Variants in RARB observed in about 807,000 individuals in gnomAD.
RARB encodes the protein HBV-activated protein.
In RARB, 17 loss-of-function variants were observed where a neutral mutation model predicts 51.9. The observed-to-expected ratio is 0.33, with a 90% CI of 0.22 to 0.49. The LOEUF is 0.49. Among genes scored for constraint, RARB ranks in the 20% least tolerant of loss-of-function variants. The pLI, the probability that RARB is intolerant of heterozygous loss-of-function variation, is 0.99. For missense variants in RARB, 369 were observed against 550.8 expected (o/e 0.67, Z 3.30); for synonymous variants, 215 against 195.4 (o/e 1.10, Z -0.84).
At chr3:24,990,967 C>G (rs1696896930) in intron 2 of RARB, among the ~76,000 whole-genome samples, 1 of 152,130 alleles carries the variant, frequency 6.6e-6, no homozygotes, top group African/African-American at 2.4e-5. Context: ...TTTCATGGCT[C>G]TTGTTGCTAT....
intron 1 of RARB, among the ~76,000 whole-genome samples, chr3:24,848,367 G>A (rs575806272): frequency 4.3e-4 from 65 of 152,234 alleles, no homozygotes; most frequent in Admixed American, 3.8e-3. Context: ...GGCCCTGTAA[G>A]GTTTTAAACA....
At chr3:25,343,950 A>G (rs549504479) in intron 5 of RARB, among the ~76,000 whole-genome samples, 6 of 152,314 alleles carry the variant, frequency 3.9e-5, no homozygotes, top group Admixed American at 2.0e-4. Flanking sequence ...CCCAGAAATT[A>G]TGACAGGAAA....
intron 3 of RARB, among the ~76,000 whole-genome samples, chr3:25,074,635 C>A (rs1698834374): frequency 6.6e-6 from 1 of 152,008 alleles, no homozygotes; most frequent in Non-Finnish European, 1.5e-5. Context: ...CTCCTTTATA[C>A]AAAAAAATTA....
chr3:25,250,881 CTG>C (rs1491373652), intron 5 of RARB, among the ~76,000 whole-genome samples: 6 of 152,150 alleles, frequency 3.9e-5, no homozygotes, highest in African/African-American at 1.4e-4. Context: ...CTGCAGGAGT[CTG>C]TGGTGGGAAT....
At chr3:25,242,389 G>A (rs1702454056) in intron 5 of RARB, among the ~76,000 whole-genome samples, 1 of 152,120 alleles carries the variant, frequency 6.6e-6, no homozygotes, top group Non-Finnish European at 1.5e-5. Context: ...CCATGCCTAT[G>A]TTCTGAACGG....
At position 24,910,235 on chromosome 3, in the gene RARB, T is replaced by G. The variant is rs367992730; in HGVS notation, c.-380+51483T>G. Among the ~76,000 whole-genome samples, 215 of 152,250 alleles carry G rather than the reference T, an allele frequency of 1.4e-3. 1 individual carries two copies. The South Asian group carries it at 0.027, about 19-fold the overall frequency. On this transcript the variant is annotated intron_variant, in intron 2 of 11. Transcript: ENST00000383772. ...CCTAAGCCTAGAAACTTAGGGAAAT[T>G]GGGGGTGCTGGCAAAAAAACGTTGA...
chr3:25,478,667 G>A lies in RARB; in HGVS notation c.306+17326G>A, dbSNP rs76418491. Among the ~76,000 whole-genome samples, 315 of 152,266 alleles carry A rather than the reference G, an allele frequency of 2.1e-3. 1 individual carries two copies. The highest frequency in any genetic ancestry group is 0.015 in the East Asian group (79 of 5,178). ...GCAGTACCCTTAGTATCGACATGAC[G>A]TCTATGGACACAGGGAGAAAAAGAA... On this transcript the variant is annotated intron_variant, in intron 2 of 7. Transcript: ENST00000330688.
chr3:24,911,071 C>G (rs1345071098), intron 2 of RARB, among the ~76,000 whole-genome samples: 1 of 152,168 alleles, frequency 6.6e-6, no homozygotes, highest in African/African-American at 2.4e-5. Context: ...TTTTATGACA[C>G]CTCTGCTTCA....
intron 5 of RARB, among the ~76,000 whole-genome samples, chr3:25,348,928 T>C (rs1226015232): frequency 1.3e-5 from 2 of 152,206 alleles, no homozygotes; most frequent in Non-Finnish European, 2.9e-5. Flanking sequence ...GGACCACACT[T>C]TCAGAAACAC....
At chr3:25,225,720 A>G (rs1245881072) in intron 5 of RARB, among the ~76,000 whole-genome samples, 4 of 152,194 alleles carry the variant, frequency 2.6e-5, no homozygotes, top group African/African-American at 9.6e-5. Context: ...ACACTCACAT[A>G]TACGCACACG....
At chr3:25,059,902 T>C (rs921432055) in intron 2 of RARB, among the ~76,000 whole-genome samples, 4 of 151,846 alleles carry the variant, frequency 2.6e-5, no homozygotes, top group South Asian at 2.1e-4. Flanking sequence ...AGAGTTTACA[T>C]TGATAGAATC....
At chr3:24,910,660 G>A (rs576978084) in intron 2 of RARB, among the ~76,000 whole-genome samples, 2 of 152,088 alleles carry the variant, frequency 1.3e-5, no homozygotes, top group Non-Finnish European at 2.9e-5. Flanking sequence ...ATTGAATTTG[G>A]AGACTCCATT....
chr3:25,306,569 G>C (rs921035019), intron 5 of RARB, among the ~76,000 whole-genome samples: 3 of 151,738 alleles, frequency 2.0e-5, no homozygotes, highest in African/African-American at 7.3e-5. Context: ...TGTTACGTGA[G>C]GAAAATTGCA....
At chr3:25,064,058 G>C (rs757757246) in intron 3 of RARB, among the ~76,000 whole-genome samples, 3 of 152,002 alleles carry the variant, frequency 2.0e-5, no homozygotes, top group Non-Finnish European at 4.4e-5. Context: ...GATGGGCAGC[G>C]GTGGGTGGAT....
chr3:25,425,382 G>A (rs568562710), upstream of RARB, among the ~76,000 whole-genome samples: 3 of 152,246 alleles, frequency 2.0e-5, no homozygotes. Context: ...ATTTACTGAT[G>A]AAGAAATAAT....
intron 2 of RARB, among the ~76,000 whole-genome samples, chr3:25,488,479 C>T (rs532591723): frequency 2.6e-5 from 4 of 152,108 alleles, no homozygotes; most frequent in Non-Finnish European, 5.9e-5. Context: ...GGGTAAATGA[C>T]GTTCCATGGA....
At chr3:25,440,655 C>G (rs963466421) in intron 1 of RARB, among the ~76,000 whole-genome samples, 1 of 151,854 alleles carries the variant, frequency 6.6e-6, no homozygotes, top group Non-Finnish European at 1.5e-5. Flanking sequence ...CGCCTGTAGT[C>G]CCAGCTGCTC....
At chr3:25,513,684 A>G (rs2125623785) in intron 3 of RARB, among the ~76,000 whole-genome samples, 1 of 152,050 alleles carries the variant, frequency 6.6e-6, no homozygotes, top group East Asian at 1.9e-4. Flanking sequence ...ACACACACAC[A>G]CATTTCATCA....
intron 3 of RARB, among the ~76,000 whole-genome samples, chr3:25,505,601 G>T (rs1697543475): frequency 6.6e-6 from 1 of 151,172 alleles, no homozygotes; most frequent in Admixed American, 6.6e-5. Context: ...TTTTCCAAGG[G>T]CTTATAGGAC....
Sources: gnomAD v4.1 joint callset for allele counts (sites outside exome capture counted in the v4.1 genomes callset) on GRCh38, gnomAD v4.1.1 for gene constraint, MANE v1.5 for transcripts, NCBI Gene and HGNC (gene_info 2026-07-23, HGNC 2026-07-21) for gene names.